LCLAT1: variants seen among roughly 807,000 people sequenced by gnomAD.
LCLAT1 encodes the protein 1-AGP acyltransferase 8.
LCLAT1 carries 11 observed loss-of-function variants against 30.7 expected under a neutral mutation model. The ratio of observed to expected loss-of-function variants is 0.36; its 90% CI spans 0.23 to 0.59. The LOEUF is 0.59. LCLAT1 is among the 20% of genes least tolerant of loss of function. The probability of loss-of-function intolerance (pLI) is 0.77; values close to 1 mark genes in which losing one functional copy is unlikely to be tolerated. For synonymous variants in LCLAT1, 155 were observed against 151.3 expected (o/e 1.02, Z -0.18); for missense variants, 402 against 458.6 (o/e 0.88, Z 1.13).
chr2:30,638,986 C>T (rs1669171341), intron 5 of LCLAT1, among the ~76,000 whole-genome samples: 1 of 152,176 alleles, frequency 6.6e-6, no homozygotes, highest in Non-Finnish European at 1.5e-5. Context: ...CTCTCCAAAC[C>T]ATTCTGGTCA....
intron 5 of LCLAT1, among the ~76,000 whole-genome samples, chr2:30,596,525 G>C (rs1031198971): frequency 1.3e-5 from 2 of 150,250 alleles, no homozygotes; most frequent in Non-Finnish European, 3.0e-5. Context: ...TAAGTTTCTT[G>C]TTGACTCTGA....
At chr2:30,627,809 TAATA>T (rs1334142466) in intron 5 of LCLAT1, among the ~76,000 whole-genome samples, 1 of 150,916 alleles carries the variant, frequency 6.6e-6, no homozygotes, top group African/African-American at 2.4e-5. Context: ...AAGCCATTCC[TAATA>T]AACACTAGGA....
chr2:30,460,260 G>A (rs181843719), intron 1 of LCLAT1, among the ~76,000 whole-genome samples: 63 of 152,236 alleles, frequency 4.1e-4, no homozygotes, highest in African/African-American at 1.4e-3. Context: ...TCTGCCCAGT[G>A]TTCATCTGCA....
chr2:30,466,755 C>A (rs1682454538), intron 1 of LCLAT1, among the ~76,000 whole-genome samples: 2 of 152,048 alleles, frequency 1.3e-5, no homozygotes, highest in African/African-American at 4.8e-5. Flanking sequence ...AGCTCCCCAC[C>A]CCCTGGTAAT....
At chr2:30,532,051 A>G (rs1274677054) in intron 2 of LCLAT1, among the ~76,000 whole-genome samples, 14 of 152,074 alleles carry the variant, frequency 9.2e-5, no homozygotes, top group Admixed American at 9.2e-4. Flanking sequence ...GTTCTTTATA[A>G]TTTTAGCATC....
chr2:30,640,535 A>G lies in LCLAT1; in HGVS notation c.1047A>G (p.Ile349Met), dbSNP rs1305389812. Residue 349 changes from isoleucine (I) to methionine (M), a missense_variant, in exon 6 of 6, where the codon ATA becomes ATG. Physicochemically the swap from Ile to Met is conservative, Grantham distance 10. Transcript: ENST00000379509. The part of the protein sequence containing the change: ...TIVIFVLQER[I>M]FGGLEIIELA... ...TAATCTTTGTGCTGCAAGAGAGAAT[A>G]TTTGGTGGACTGGAGATCATAGAAC... is the stretch of plus-strand genomic sequence containing the variant. 2 of 1,614,082 alleles carry G rather than the reference A, an allele frequency of 1.2e-6. No homozygotes were observed. The highest frequency in any genetic ancestry group is 3.3e-5 in the Admixed American group (2 of 60,002).
intron 5 of LCLAT1, among the ~76,000 whole-genome samples, chr2:30,599,854 G>A (rs921775639): frequency 6.6e-6 from 1 of 152,054 alleles, no homozygotes; most frequent in African/African-American, 2.4e-5. Flanking sequence ...CATGTGAGAT[G>A]GGTCTTGTCT....
Position 30,640,564 on chromosome 2 carries a change from C to T in LCLAT1, c.1076C>T (p.Ala359Val), listed in dbSNP as rs959806723. ...IFGGLEIIEL[A>V]CYRLLHKQPH... ...GGTGGACTGGAGATCATAGAACTTG[C>T]ATGTTACCGACTTTTACACAAACAG... Residue 359 changes from alanine to valine, a missense_variant, in exon 6 of 6, where the codon GCA becomes GTA. By Grantham distance (64) the Ala-to-Val change is moderately conservative. Coordinates refer to ENST00000379509, the MANE Select transcript of LCLAT1 (RefSeq NM_001002257.3). 13 of 1,612,948 alleles carry T rather than the reference C, an allele frequency of 8.1e-6. No homozygotes were observed. The Admixed American group carries it at 2.0e-4, about 25-fold the overall frequency.
intron 3 of LCLAT1, among the ~76,000 whole-genome samples, chr2:30,534,872 C>G (rs1475838106): frequency 6.6e-6 from 1 of 152,040 alleles, no homozygotes; most frequent in Non-Finnish European, 1.5e-5. Flanking sequence ...AAAAAACTGC[C>G]ACATCCCTAA....
chr2:30,565,372 G>T (rs554323042), intron 4 of LCLAT1, among the ~76,000 whole-genome samples: 147 of 152,202 alleles, frequency 9.7e-4, no homozygotes, highest in African/African-American at 3.3e-3. Flanking sequence ...TGATTTGATG[G>T]GGCCTACTCC....
At chr2:30,457,935 A>G (rs1309517019) in intron 1 of LCLAT1, among the ~76,000 whole-genome samples, 3 of 152,162 alleles carry the variant, frequency 2.0e-5, no homozygotes, top group African/African-American at 7.2e-5. Flanking sequence ...TGTAAGTTAC[A>G]CACTTCTCAT....
intron 5 of LCLAT1, among the ~76,000 whole-genome samples, chr2:30,583,513 C>A (rs538652833): frequency 8.1e-4 from 124 of 152,246 alleles, no homozygotes; most frequent in African/African-American, 2.9e-3. Context: ...CCACCACAAC[C>A]CCCAATGCAG....
At chr2:30,513,780 C>T (rs1010017982) in intron 1 of LCLAT1, among the ~76,000 whole-genome samples, 6 of 152,168 alleles carry the variant, frequency 3.9e-5, no homozygotes, top group Non-Finnish European at 8.8e-5. Context: ...CAAAAGAATG[C>T]AACCATTTGT....
intron 5 of LCLAT1, among the ~76,000 whole-genome samples, chr2:30,619,731 C>T (rs1432739379): frequency 6.6e-6 from 1 of 152,122 alleles, no homozygotes; most frequent in Non-Finnish European, 1.5e-5. Context: ...TTAGAAGCCA[C>T]GAGGATCTTC....
chr2:30,569,612 G>GTTC (rs5830180), intron 5 of LCLAT1, among the ~76,000 whole-genome samples: 126,699 of 151,892 alleles, frequency 0.83, 52,967 homozygotes, highest in East Asian at 0.94. Flanking sequence ...AAGGTATGAA[G>GTTC]TTCTTTCCCT....
intron 3 of LCLAT1, among the ~76,000 whole-genome samples, chr2:30,544,922 C>T (rs1275020698): frequency 1.3e-5 from 2 of 152,108 alleles, no homozygotes; most frequent in Non-Finnish European, 2.9e-5. Context: ...TCTTGAGCCC[C>T]TATTTAAGTA....
At position 30,481,379 on chromosome 2, in the gene LCLAT1, A is replaced by C. The variant is rs75396230; in HGVS notation, c.-5+33996A>C. ...TAATATCAGCATAAAGATAGCACAA[A>C]GGAAGAGGGAGGAGGAAAAGGATAG... On this transcript the variant is annotated intron_variant, in intron 1 of 5. Transcript: ENST00000379509. 9.6e-3 allele frequency among the ~76,000 whole-genome samples: 1,462 copies of C among 152,298 alleles called. 7 individuals carry two copies. The highest frequency in any genetic ancestry group is 0.013 in the Non-Finnish European group (895 of 68,012).
At chr2:30,562,324 A>G in intron 4 of LCLAT1, 32 bp downstream of exon 4, 1 of 1,554,242 alleles carries the variant, frequency 6.4e-7, no homozygotes, top group Non-Finnish European at 8.8e-7. Context: ...AAAGTTAGAA[A>G]TCATGTAGTC....
intron 1 of LCLAT1, among the ~76,000 whole-genome samples, chr2:30,503,794 G>A (rs752239649): frequency 5.3e-5 from 8 of 152,216 alleles, no homozygotes; most frequent in Non-Finnish European, 1.0e-4. Flanking sequence ...TGTGCAGTGT[G>A]TACCACAAAA....
Sources: allele counts gnomAD v4.1 joint callset (sites outside exome capture counted in the v4.1 genomes callset), GRCh38; gene constraint gnomAD v4.1.1; transcripts MANE v1.5; gene names NCBI Gene and HGNC (gene_info 2026-07-23, HGNC 2026-07-21).